Variants in AKNAD1 observed in about 807,000 individuals in gnomAD.
AKNAD1 encodes protein AKNAD1.
In AKNAD1, 67 loss-of-function variants were observed where a neutral mutation model predicts 90.8. That is an observed-to-expected ratio of 0.74 (90% CI 0.61 to 0.90). The LOEUF (loss-of-function observed/expected upper bound fraction) is 0.90, where lower values mean the gene tolerates loss of function less well. Among genes scored for constraint, AKNAD1 ranks in the 40% least tolerant of loss-of-function variants. The probability of loss-of-function intolerance (pLI) is 0.00; values close to 1 mark genes in which losing one functional copy is unlikely to be tolerated. For missense variants in AKNAD1, 957 were observed against 975.4 expected (o/e 0.98, Z 0.25); for synonymous variants, 327 against 341.4 (o/e 0.96, Z 0.46).
At position 108,852,751 on chromosome 1, in the gene AKNAD1, C is replaced by A; in HGVS notation, c.-87G>T. On this transcript the variant is annotated 5_prime_UTR_variant, in exon 2 of 16. Transcript: ENST00000370001. ...AATAGCTCTGGTTCTCACTGACTGT[C>A]TTCACTGTGTGCTATTCTGTGTGAA... The A allele has an allele frequency of 7.8e-7, 1 of 1,286,104 alleles. No individual in the cohort carries two copies. Among genetic ancestry groups the A allele is most frequent in the South Asian group, 1.5e-5 (1 of 66,044 alleles). 79.7% of individuals were successfully genotyped at this position (1,286,104 alleles called of 1,614,324 possible).
In AKNAD1 at chr1:108,834,496, G is replaced by A. The variant is rs972630568; in HGVS notation, c.1697C>T (p.Ala566Val). 4.3e-6 allele frequency: 7 copies of A among 1,610,382 alleles called. No individual in the cohort carries two copies. In the African/African-American group the frequency reaches 9.4e-5, roughly 22 times the overall value. ...GGCCACTTGGTCTGGCTTGTTCTGG[G>A]CAGCTGCATCTCCATAATGACCGTT... ...YLNGHYGDAA[A>V]QNKPDQVAMR... Residue 566 changes from alanine to valine, a missense_variant, in exon 9 of 16, where the codon GCC (alanine) becomes GTC (valine). Coordinates refer to ENST00000370001, the MANE Select transcript of AKNAD1 (RefSeq NM_152763.5).
At chr1:108,842,151 G>A (rs934919610) in intron 6 of AKNAD1, among the ~76,000 whole-genome samples, 19 of 152,072 alleles carry the variant, frequency 1.2e-4, no homozygotes, top group African/African-American at 4.1e-4. Flanking sequence ...CATCCTTACT[G>A]TCTAATTACT....
At chr1:108,818,963 CAAAAA>C (rs56396425) in intron 14 of AKNAD1, among the ~76,000 whole-genome samples, 1 of 99,868 alleles carries the variant, frequency 1.0e-5, no homozygotes, top group African/African-American at 4.0e-5. Flanking sequence ...AACTCCATCT[CAAAAA>C]AAAAAAAAAA....
upstream of AKNAD1, chr1:108,858,160 G>A (rs941982976): frequency 6.6e-6 from 1 of 152,638 alleles, no homozygotes; most frequent in Non-Finnish European, 1.5e-5. Context: ...TTCAACAGTT[G>A]GAAGTTGACT....
intron 13 of AKNAD1, among the ~76,000 whole-genome samples, chr1:108,822,197 G>A (rs923176715): frequency 3.9e-5 from 6 of 152,160 alleles, no homozygotes. Flanking sequence ...ACAGCTTCCA[G>A]ACAAAATCCA....
chr1:108,856,759 C>CAAAG (rs1167032222), intron 1 of AKNAD1, among the ~76,000 whole-genome samples, 170 bp downstream of exon 1: 1 of 151,524 alleles, frequency 6.6e-6, no homozygotes, highest in Non-Finnish European at 1.5e-5. Flanking sequence ...CACACACAGA[C>CAAAG]AAAGAAAGAA....
chr1:108,829,138 C>A (rs1664105037), intron 10 of AKNAD1, among the ~76,000 whole-genome samples: 1 of 151,752 alleles, frequency 6.6e-6, no homozygotes, highest in Admixed American at 6.6e-5. Context: ...TCCCTTCAAT[C>A]AATAATTCCT....
At chr1:108,851,290 C>A (rs1348689787) in intron 2 of AKNAD1, among the ~76,000 whole-genome samples, 1 of 152,100 alleles carries the variant, frequency 6.6e-6, no homozygotes, top group Non-Finnish European at 1.5e-5. Flanking sequence ...TGAAAACAAG[C>A]AGGTCTTTGG....
intron 1 of AKNAD1, among the ~76,000 whole-genome samples, chr1:108,856,698 C>T (rs1665052224): frequency 6.9e-6 from 1 of 143,956 alleles, no homozygotes; most frequent in Admixed American, 6.9e-5. Flanking sequence ...AGAGCAAGAC[C>T]CTGTCTCTCT....
chr1:108,842,735 A>G lies in AKNAD1; in HGVS notation c.1379+399T>C, dbSNP rs11102530. ...TGTGGGGAGAGATAGATAAGAGAGG[A>G]AAAAGCTGAGAGGGAGAGGAGAGGA... is the stretch of plus-strand genomic sequence containing the variant. On this transcript the variant is annotated intron_variant, in intron 6 of 15. Coordinates refer to ENST00000370001, the MANE Select transcript of AKNAD1 (RefSeq NM_152763.5). Among the ~76,000 whole-genome samples the G allele has an allele frequency of 9.8e-3, 1,489 of 152,212 alleles. 21 individuals carry two copies. The highest frequency in any genetic ancestry group is 0.029 in the South Asian group (142 of 4,820).
chr1:108,851,612 C>G (rs567331722), intron 2 of AKNAD1, 60 bp downstream of exon 2: 1 of 1,468,094 alleles, frequency 6.8e-7, no homozygotes, highest in African/African-American at 1.4e-5. Context: ...CAAAAACCCA[C>G]ACTGAAAGAG....
intron 2 of AKNAD1, 103 bp downstream of exon 2, chr1:108,851,569 C>T (rs762979780): frequency 1.7e-6 from 2 of 1,195,230 alleles, no homozygotes; most frequent in Non-Finnish European, 2.3e-6. Context: ...CTGAATGAAA[C>T]TTTGGAACTA....
chr1:108,852,484 T>C lies in AKNAD1; in HGVS notation c.181A>G (p.Ser61Gly), dbSNP rs1664899434. 1 of 1,613,972 alleles carries C rather than the reference T, an allele frequency of 6.2e-7. No homozygotes were observed. Among genetic ancestry groups the C allele is most frequent in the Non-Finnish European group, 8.5e-7 (1 of 1,179,938 alleles). The change falls in exon 2 of 16, where the codon AGT (serine) becomes GGT (glycine). Residue 61 changes from serine to glycine, a missense_variant. Coordinates refer to ENST00000370001, the MANE Select transcript of AKNAD1 (RefSeq NM_152763.5). The stretch of plus-strand genomic sequence containing the variant: ...ACAGCTGTATTTCCACAAGTCTCAC[T>C]ATGCATAGCCTTCTCTTGAGGGTCA... ...ADDPQEKAMH[S>G]ETCGNTAVTI...
At chr1:108,830,336 T>C (rs959736082) in intron 10 of AKNAD1, among the ~76,000 whole-genome samples, 1 of 152,134 alleles carries the variant, frequency 6.6e-6, no homozygotes, top group African/African-American at 2.4e-5. Flanking sequence ...ATGTGCATGA[T>C]TGTAAAATCT....
chr1:108,827,540 C>T (rs1306440112), intron 10 of AKNAD1, among the ~76,000 whole-genome samples: 1 of 151,504 alleles, frequency 6.6e-6, no homozygotes, highest in Non-Finnish European at 1.5e-5. Flanking sequence ...ACAGGCCAGG[C>T]GCGGTGGCTC....
rs113934761 is a variant in AKNAD1 at position 108,820,469 on chromosome 1, T to C, written c.2249+76A>G. On this transcript the variant is annotated intron_variant, in intron 14 of 15. Coordinates refer to ENST00000370001, the MANE Select transcript of AKNAD1 (RefSeq NM_152763.5). ...TCTAGGTTATCTTGGGGTAGGTAGT[T>C]AATGCACTATCAAGTACACTGTATC... The C allele has an allele frequency of 1.5e-4, 136 of 928,432 alleles. No individual in the cohort carries two copies. In the African/African-American group the frequency reaches 1.7e-3, roughly 11 times the overall value. 57.5% of individuals were successfully genotyped at this position (928,432 alleles called of 1,614,324 possible).
intron 2 of AKNAD1, among the ~76,000 whole-genome samples, chr1:108,851,058 G>A (rs1024723255): frequency 2.0e-5 from 3 of 152,186 alleles, no homozygotes; most frequent in Non-Finnish European, 2.9e-5. Context: ...GTTAAGACAC[G>A]AGGCCAGGCC....
chr1:108,851,985 CT>C lies in AKNAD1; in HGVS notation c.679del (p.Ser227ValfsTer42), dbSNP rs1664879640. The C allele has an allele frequency of 6.2e-7, 1 of 1,614,134 alleles. No individual in the cohort carries two copies. Among genetic ancestry groups the C allele is most frequent in the Non-Finnish European group, 8.5e-7 (1 of 1,180,024 alleles). On this transcript the variant is annotated frameshift_variant, in exon 2 of 16. Transcript: ENST00000370001. LOFTEE classifies it high-confidence loss of function. The stretch of plus-strand genomic sequence containing the variant: ...TTTCTGGGGTGACTGCCCTTGATAA[CT>C]TTTTTGTTTATCACCTGGACCCTTG... Reference protein sequence around the residue: ...KTKGPGDKQKSYQGQSPQKQQ... With the variant: ...KTKGPGDKQKXYQGQSPQKQQ...
intron 14 of AKNAD1, among the ~76,000 whole-genome samples, chr1:108,819,065 G>T (rs1663727413): frequency 6.6e-6 from 1 of 151,862 alleles, no homozygotes; most frequent in Admixed American, 6.6e-5. Context: ...GTGGCTCTGA[G>T]TGCAGAGCCT....
Sources: allele counts gnomAD v4.1 joint callset (sites outside exome capture counted in the v4.1 genomes callset), GRCh38; gene constraint gnomAD v4.1.1; transcripts MANE v1.5; gene names NCBI Gene and HGNC (gene_info 2026-07-23, HGNC 2026-07-21).